RAB11FIP1: variants seen among roughly 807,000 people sequenced by gnomAD.
RAB11FIP1 encodes the protein rab11 family-interacting protein 1.
Under a neutral mutation model 83.1 loss-of-function variants are expected in RAB11FIP1, and 49 were observed. The ratio of observed to expected loss-of-function variants is 0.59; its 90% CI spans 0.47 to 0.75. The LOEUF (loss-of-function observed/expected upper bound fraction) is 0.75, where lower values mean the gene tolerates loss of function less well. Ranked by LOEUF, RAB11FIP1 falls within the 30% of genes least tolerant of loss-of-function variation. RAB11FIP1 has a pLI of 0.00. For synonymous variants in RAB11FIP1, 670 were observed against 656.0 expected (o/e 1.02, Z -0.33); for missense variants, 1,536 against 1,598.7 (o/e 0.96, Z 0.67).
chr8:37,873,358 A>T, intron 3 of RAB11FIP1, 179 bp from the exon 4 acceptor site: 1 of 600,086 alleles, frequency 1.7e-6, no homozygotes, highest in Non-Finnish European at 2.8e-6. Context: ...TAATCCCAGC[A>T]CTGTGGGAGG....
rs1806463595 is a variant in RAB11FIP1, at chr8:37,871,657, ACT to A, written c.3143_3144del (p.Glu1048ValfsTer16). 6.2e-7 allele frequency: 1 copy of A among 1,612,184 alleles called. No homozygotes were observed. Among genetic ancestry groups the A allele is most frequent in the African/African-American group, 1.3e-5 (1 of 74,774 alleles). Reference protein sequence around the residue: ...SVTAPSEQTTEFGIHKPHLGK... With the variant: ...SVTAPSEQTTXFGIHKPHLGK... The stretch of plus-strand genomic sequence containing the variant: ...CCAAGATGTGGTTTGTGAATTCCGA[ACT>A]CTGTGGTCTGCTCTGAAGGAGCTGT... On this transcript the variant is annotated frameshift_variant, in exon 4 of 6. Coordinates refer to ENST00000330843, the MANE Select transcript of RAB11FIP1 (RefSeq NM_001002814.3). LOFTEE classifies it high-confidence loss of function.
chr8:37,884,361 C>A (rs1472766886), intron 1 of RAB11FIP1, among the ~76,000 whole-genome samples: 1 of 152,010 alleles, frequency 6.6e-6, no homozygotes, highest in East Asian at 1.9e-4. Context: ...CCACACCCGG[C>A]CAACATAAAA....
chr8:37,890,590 C>T (rs1353554354), intron 1 of RAB11FIP1, among the ~76,000 whole-genome samples: 1 of 152,076 alleles, frequency 6.6e-6, no homozygotes. Context: ...GTGAAAACTG[C>T]CTCCTTTGCC....
At chr8:37,863,455 C>A (rs915060223) in intron 5 of RAB11FIP1, among the ~76,000 whole-genome samples, 4 of 152,078 alleles carry the variant, frequency 2.6e-5, no homozygotes, top group African/African-American at 9.7e-5. Context: ...ACCATGTTGG[C>A]CAGGCTGGTC....
chr8:37,894,831 C>A (rs1182741243), intron 1 of RAB11FIP1, among the ~76,000 whole-genome samples: 1 of 150,376 alleles, frequency 6.6e-6, no homozygotes, highest in Non-Finnish European at 1.5e-5. Context: ...CTCACTGCAA[C>A]CTCCACCTCC....
At chr8:37,863,204 G>A in intron 5 of RAB11FIP1, 91 bp from the exon 6 acceptor site, 2 of 963,220 alleles carry the variant, frequency 2.1e-6, no homozygotes, top group Non-Finnish European at 3.2e-6. Context: ...AGGAAAAAGT[G>A]ACTAGTGATC....
intron 4 of RAB11FIP1, chr8:37,871,048 C>G (rs575805816): frequency 5.9e-6 from 3 of 506,742 alleles, no homozygotes; most frequent in East Asian, 7.1e-5. Context: ...CAAATCTGAC[C>G]GTGCAGAACA....
At chr8:37,874,234 T>C (rs547346215) in intron 3 of RAB11FIP1, among the ~76,000 whole-genome samples, 75 of 152,360 alleles carry the variant, frequency 4.9e-4, no homozygotes, top group African/African-American at 1.6e-3. Flanking sequence ...ACCCACAATC[T>C]GCTACAAACC....
In RAB11FIP1 at chr8:37,874,829, C is replaced by A; in HGVS notation, c.1308G>T (p.Leu436Phe). The change falls in exon 3 of 6, where the codon TTG (leucine) becomes TTT (phenylalanine). Residue 436 changes from leucine to phenylalanine, a missense_variant. Transcript: ENST00000330843. ...CCTTCTTCCCCGTCATCAGAGACAG[C>A]AAAGAGGACCTCCTGCTCTCTGGCT... ...SKKPESRRSSLLSLMTGKKDV... is the reference protein window; with the variant it reads ...SKKPESRRSSFLSLMTGKKDV... 6.2e-7 allele frequency: 1 copy of A among 1,614,162 alleles called. No homozygotes were observed. The highest frequency in any genetic ancestry group is 1.3e-5 in the African/African-American group (1 of 75,026).
At chr8:37,898,874 C>A (rs1331285764) in intron 1 of RAB11FIP1, among the ~76,000 whole-genome samples, 197 bp downstream of exon 1, 3 of 151,972 alleles carry the variant, frequency 2.0e-5, no homozygotes, top group African/African-American at 4.8e-5. Context: ...CCAAGAAGAC[C>A]CAAAGCTGGC....
rs753920265 is a variant in RAB11FIP1, at chr8:37,884,190, G to A, written c.372-6639C>T. Among the ~76,000 whole-genome samples, 7 of 151,534 alleles carry A rather than the reference G, an allele frequency of 4.6e-5. No individual in the cohort carries two copies. In the South Asian group the frequency reaches 1.3e-3, roughly 27 times the overall value. On this transcript the variant is annotated intron_variant, in intron 1 of 5. Coordinates refer to ENST00000330843, the MANE Select transcript of RAB11FIP1 (RefSeq NM_001002814.3). ...AGTGATTCTCCTCCCTCAGCCTCCC[G>A]AGTAGCTGGGAGTACAGGCGCACAC... is the stretch of plus-strand genomic sequence containing the variant.
rs111579275 is a variant in RAB11FIP1, at chr8:37,876,066, G to A, written c.815-744C>T. 8.7e-4 allele frequency among the ~76,000 whole-genome samples: 132 copies of A among 152,144 alleles called. 1 individual carries two copies. The highest frequency in any genetic ancestry group is 2.3e-3 in the East Asian group (12 of 5,170). On this transcript the variant is annotated intron_variant, in intron 2 of 5. Transcript: ENST00000330843. Reference sequence around the variant, plus strand: ...AAAAATTCACCGGGTGTGGTGGCACGGACCTGGAATCCCAGCTATTCGGGA... The same window carrying A: ...AAAAATTCACCGGGTGTGGTGGCACAGACCTGGAATCCCAGCTATTCGGGA...
At chr8:37,875,527 T>C (rs776037326) in intron 2 of RAB11FIP1, among the ~76,000 whole-genome samples, 4 of 152,280 alleles carry the variant, frequency 2.6e-5, no homozygotes, top group African/African-American at 9.6e-5. Flanking sequence ...AAGGCCTGTC[T>C]AGTCTAAACT....
intron 5 of RAB11FIP1, among the ~76,000 whole-genome samples, chr8:37,863,801 T>C (rs975088030): frequency 6.6e-6 from 1 of 152,192 alleles, no homozygotes; most frequent in African/African-American, 2.4e-5. Flanking sequence ...AGCAGTGCCA[T>C]CATGGGAGGA....
intron 5 of RAB11FIP1, among the ~76,000 whole-genome samples, chr8:37,869,378 G>A (rs974224137): frequency 3.3e-5 from 5 of 151,864 alleles, no homozygotes; most frequent in Non-Finnish European, 7.4e-5. Flanking sequence ...GATCACCTGA[G>A]GTCAGGAGTT....
Position 37,862,665 on chromosome 8 carries a change from G to A in RAB11FIP1, c.*230C>T, listed in dbSNP as rs1737729312. 2 of 470,258 alleles carry A rather than the reference G, an allele frequency of 4.3e-6. No individual in the cohort carries two copies. Among genetic ancestry groups the A allele is most frequent in the Admixed American group, 3.6e-5 (1 of 28,158 alleles). 29.1% of individuals were successfully genotyped at this position (470,258 alleles called of 1,614,324 possible). On this transcript the variant is annotated 3_prime_UTR_variant, in exon 6 of 6. Transcript: ENST00000330843. ...GTGGGCATAAAATATTTACAACCTT[G>A]TTAAAGGCACAGTGGCATTTAAAAC...
chr8:37,861,836 T>G lies in RAB11FIP1; in HGVS notation c.*1059A>C, dbSNP rs577883708. On this transcript the variant is annotated 3_prime_UTR_variant, in exon 6 of 6. Coordinates refer to ENST00000330843, the MANE Select transcript of RAB11FIP1 (RefSeq NM_001002814.3). ...ACTCCTGACCTCAAGTGATCCACCCTCCTCGGCCTTGCAAAGTGCTGGGAT... is the reference window on the plus strand; with the variant it reads ...ACTCCTGACCTCAAGTGATCCACCCGCCTCGGCCTTGCAAAGTGCTGGGAT... The G allele has an allele frequency of 3.7e-5, 11 of 300,810 alleles. No homozygotes were observed. The East Asian group carries it at 9.7e-4, about 27-fold the overall frequency. 18.6% of individuals were successfully genotyped at this position (300,810 alleles called of 1,614,324 possible).
At chr8:37,883,301 C>T (rs2079932295) in intron 1 of RAB11FIP1, among the ~76,000 whole-genome samples, 1 of 152,006 alleles carries the variant, frequency 6.6e-6, no homozygotes, top group East Asian at 1.9e-4. Context: ...TGGGTTCAAC[C>T]GATTCTCCTG....
chr8:37,880,767 CAA>C (rs36034479), intron 1 of RAB11FIP1, among the ~76,000 whole-genome samples: 12 of 84,714 alleles, frequency 1.4e-4, no homozygotes, highest in South Asian at 3.8e-4. Context: ...CTATCCCTTT[CAA>C]AAAAAAAAAA....
Sources: allele counts gnomAD v4.1 joint callset (sites outside exome capture counted in the v4.1 genomes callset), GRCh38; gene constraint gnomAD v4.1.1; transcripts MANE v1.5; gene names NCBI Gene and HGNC (gene_info 2026-07-23, HGNC 2026-07-21).